Variants in SYF2 observed in about 807,000 individuals in gnomAD.
SYF2 encodes the protein SYF2 pre-mRNA splicing factor, also known as pre-mRNA-splicing factor SYF2.
SYF2 carries 21 observed loss-of-function variants against 32.7 expected under a neutral mutation model. The observed-to-expected ratio is 0.64, with a 90% CI of 0.45 to 0.92. The LOEUF is 0.92. Among genes scored for constraint, SYF2 ranks in the 40% least tolerant of loss-of-function variants. SYF2 has a pLI of 0.00. For synonymous variants in SYF2, 114 were observed against 103.9 expected, an observed-to-expected ratio of 1.10 and a Z score of -0.59; for missense variants, 278 against 296.5, an observed-to-expected ratio of 0.94 and a Z score of 0.46.
In SYF2 at chr1:25,227,447, TTC is replaced by T; in HGVS notation, c.460_461del (p.Glu154LysfsTer12). 6.2e-7 allele frequency: 1 copy of T among 1,613,388 alleles called. No individual in the cohort carries two copies. Among genetic ancestry groups the T allele is most frequent in the Non-Finnish European group, 8.5e-7 (1 of 1,179,720 alleles). On this transcript the variant is annotated frameshift_variant, in exon 5 of 7. Coordinates refer to ENST00000236273, the MANE Select transcript of SYF2 (RefSeq NM_015484.5). LOFTEE classifies it high-confidence loss of function. The part of the protein sequence containing the change: ...PDMETYERLR[E>X]KHGEEFFPTS... ...CAGGTTGAAAAAGGACTTACTGTTT[TTC>T]TCTCAGTCTCTCATATGTTTCCATG...
intron 3 of SYF2, 40 bp downstream of exon 3, chr1:25,228,958 G>T: frequency 1.3e-6 from 2 of 1,597,386 alleles, no homozygotes; most frequent in South Asian, 1.1e-5. Context: ...ACAACAGAAT[G>T]ATTGACTAAA....
intron 6 of SYF2, 24 bp downstream of exon 6, chr1:25,224,978 C>T: frequency 6.5e-7 from 1 of 1,534,572 alleles, no homozygotes; most frequent in African/African-American, 1.4e-5. Context: ...TTTACAACGT[C>T]AAGCTGCTCT....
At position 25,232,212 on chromosome 1, in the gene SYF2, C is replaced by T; in HGVS notation, c.25-1G>A. 1 of 1,613,028 alleles carries T rather than the reference C, an allele frequency of 6.2e-7. No homozygotes were observed. The highest frequency in any genetic ancestry group is 8.5e-7 in the Non-Finnish European group (1 of 1,179,818). Reference sequence around the variant, plus strand: ...CCTCCTCCGCGCTGTCCACCAGCACCTGCGACAAGGAGAACTGGCTTCAGG... The same window carrying T: ...CCTCCTCCGCGCTGTCCACCAGCACTTGCGACAAGGAGAACTGGCTTCAGG... On this transcript the variant is annotated splice_acceptor_variant, in intron 1 of 6. Transcript: ENST00000236273. LOFTEE classifies it high-confidence loss of function.
chr1:25,232,293 A>G, intron 1 of SYF2, 82 bp from the exon 2 acceptor site: 1 of 1,583,050 alleles, frequency 6.3e-7, no homozygotes. Flanking sequence ...GCCGGTCCCC[A>G]CAGGCTGGGC....
Position 25,222,998 on chromosome 1 carries a change from T to C in SYF2, c.*268A>G, listed in dbSNP as rs937217395. 3 of 242,712 alleles carry C rather than the reference T, an allele frequency of 1.2e-5. No individual in the cohort carries two copies. The highest frequency in any genetic ancestry group is 1.7e-4 in the East Asian group (2 of 11,834). 15.0% of individuals were successfully genotyped at this position (242,712 alleles called of 1,614,324 possible). ...AACAGCCATATACATTTAAAATACATAGAAAAATAATATAATTAGAATGTA... is the reference window on the plus strand; with the variant it reads ...AACAGCCATATACATTTAAAATACACAGAAAAATAATATAATTAGAATGTA... On this transcript the variant is annotated 3_prime_UTR_variant, in exon 7 of 7. Transcript: ENST00000236273.
intron 2 of SYF2, among the ~76,000 whole-genome samples, chr1:25,229,984 T>C (rs1638595425): frequency 3.3e-5 from 5 of 152,074 alleles, no homozygotes. Flanking sequence ...GCCTGGCTTA[T>C]TTTTTTGTAT....
Position 25,223,159 on chromosome 1 carries a change from T to C in SYF2, c.*107A>G. On this transcript the variant is annotated 3_prime_UTR_variant, in exon 7 of 7. Transcript: ENST00000236273. ...TTTCTAAATGCTGAGTGAGAAGGCATGGACTACTAAATTCTGGATTACTGA... is the reference window on the plus strand; with the variant it reads ...TTTCTAAATGCTGAGTGAGAAGGCACGGACTACTAAATTCTGGATTACTGA... The C allele has an allele frequency of 1.9e-6, 2 of 1,031,972 alleles. No individual in the cohort carries two copies. The highest frequency in any genetic ancestry group is 1.8e-5 in the South Asian group (1 of 56,862). 63.9% of individuals were successfully genotyped at this position (1,031,972 alleles called of 1,614,324 possible).
chr1:25,223,410 A>G lies in SYF2; in HGVS notation c.588T>C (p.Tyr196=), dbSNP rs1052591258. The G allele has an allele frequency of 3.7e-6, 6 of 1,607,290 alleles. No individual in the cohort carries two copies. The highest frequency in any genetic ancestry group is 1.3e-5 in the African/African-American group (1 of 74,622). Residue 196 remains tyrosine (Y), a synonymous_variant, in exon 7 of 7, where the codon TAT becomes TAC. Coordinates refer to ENST00000236273, the MANE Select transcript of SYF2 (RefSeq NM_015484.5). The part of the protein sequence containing the change: ...LEKQIEKRDK[Y]SRRRPYNDDA... The stretch of plus-strand genomic sequence containing the variant: ...CATCATTATAAGGACGTCTCCGGCT[A>G]TATTTGTCTCGTTTTTCAATCCTGG...
In SYF2 at chr1:25,224,457, C is replaced by A. The variant is rs1638467857; in HGVS notation, c.566+545G>T. ...ATTTTTTGTAGAGAAAGGGTTTTGC[C>A]ATGTTGCCCAGGCTGTTCTCAAAGT... On this transcript the variant is annotated intron_variant, in intron 6 of 6. Transcript: ENST00000236273. 2.0e-5 allele frequency among the ~76,000 whole-genome samples: 3 copies of A among 152,052 alleles called. 1 individual carries two copies. Among genetic ancestry groups the A allele is most frequent in the African/African-American group, 7.2e-5 (3 of 41,390 alleles).
chr1:25,232,148 G>C lies in SYF2; in HGVS notation c.88C>G (p.Arg30Gly), dbSNP rs776346136. The change falls in exon 2 of 7, where the codon CGC becomes GGC. Residue 30 changes from arginine to glycine, a missense_variant. Physicochemically the swap from Arg to Gly is moderately radical, Grantham distance 125. Coordinates refer to ENST00000236273, the MANE Select transcript of SYF2 (RefSeq NM_015484.5). ...CGGAATTTGCGCAGTCTCTGTTCGC[G>C]CTTCTGAGCGGCCAGCTCCGCCGCC... Reference protein sequence around the residue: ...AAAAELAAQKREQRLRKFREL... With the variant: ...AAAAELAAQKGEQRLRKFREL... The C allele has an allele frequency of 2.5e-6, 4 of 1,613,844 alleles. No homozygotes were observed. The highest frequency in any genetic ancestry group is 3.4e-6 in the Non-Finnish European group (4 of 1,180,008).
chr1:25,229,219 A>G, intron 2 of SYF2, 96 bp from the exon 3 acceptor site: 1 of 1,412,512 alleles, frequency 7.1e-7, no homozygotes, highest in Non-Finnish European at 9.6e-7. Flanking sequence ...GGACATATTA[A>G]TAAGCTGACC....
rs139754260 is a variant in SYF2 at position 25,232,094 on chromosome 1, G to A, written c.132+10C>T. ...ATGACGGATCTAAGCCGGCCTCCAA[G>A]ACTACTCACCCGCATCAGGTGCAGC... On this transcript the variant is annotated intron_variant, in intron 2 of 6. Transcript: ENST00000236273. The A allele has an allele frequency of 1.2e-6, 2 of 1,612,742 alleles. No homozygotes were observed. Among genetic ancestry groups the A allele is most frequent in the Non-Finnish European group, 1.7e-6 (2 of 1,179,556 alleles).
chr1:25,231,203 A>G (rs539275839), intron 2 of SYF2: 1 of 152,340 alleles, frequency 6.6e-6, no homozygotes, highest in East Asian at 1.9e-4. Flanking sequence ...GAAGAAAGAA[A>G]TATGTGGTCA....
rs576304427 is a variant in SYF2 at position 25,231,629 on chromosome 1, ATT to A, written c.132+473_132+474del. The A allele has an allele frequency of 2.1e-3, 350 of 165,550 alleles. 1 individual carries two copies. Among genetic ancestry groups the A allele is most frequent in the African/African-American group, 7.4e-3 (304 of 41,104 alleles). 10.3% of individuals were successfully genotyped at this position (165,550 alleles called of 1,614,324 possible). ...CTTTCAAAAGTTTGCCATTTTTTTT[ATT>A]TTCTTTTTATTCTTTTCCCCCAGAA... On this transcript the variant is annotated intron_variant, in intron 2 of 6. Transcript: ENST00000236273.
In SYF2 at chr1:25,229,181, C is replaced by T. The variant is rs10903036; in HGVS notation, c.133-58G>A. 0.031 allele frequency: 49,774 copies of T among 1,580,758 alleles called. 12,051 individuals carry two copies. In the African/African-American group the frequency reaches 0.56, roughly 18 times the overall value. ...AAACATGAAAATAAATCCAGATACACCTTGCCTTCTTTGAGGAGGGTCAGG... is the reference window on the plus strand; with the variant it reads ...AAACATGAAAATAAATCCAGATACATCTTGCCTTCTTTGAGGAGGGTCAGG... On this transcript the variant is annotated intron_variant, in intron 2 of 6. Transcript: ENST00000236273.
At chr1:25,225,814 C>T (rs541409197) in intron 5 of SYF2, among the ~76,000 whole-genome samples, 86 of 151,108 alleles carry the variant, frequency 5.7e-4, no homozygotes, top group African/African-American at 2.0e-3. Context: ...GCCGAGATCA[C>T]GCCACTGCAC....
chr1:25,231,628 T>A (rs563964163), intron 2 of SYF2: 9 of 167,770 alleles, frequency 5.4e-5, no homozygotes, highest in East Asian at 5.2e-4. Flanking sequence ...CCATTTTTTT[T>A]ATTTTCTTTT....
intron 3 of SYF2, 152 bp from the exon 4 acceptor site, chr1:25,228,387 T>C: frequency 1.5e-6 from 1 of 687,442 alleles, no homozygotes; most frequent in Non-Finnish European, 2.4e-6. Context: ...CAGGCTGGAG[T>C]GCAGTGGCGC....
At chr1:25,223,505 G>A (rs1638448246) in intron 6 of SYF2, 74 bp from the exon 7 acceptor site, 2 of 1,452,538 alleles carry the variant, frequency 1.4e-6, no homozygotes, top group South Asian at 1.3e-5. Context: ...AACCAAACAG[G>A]AATATAATCA....
Sources: allele counts gnomAD v4.1 joint callset (sites outside exome capture counted in the v4.1 genomes callset), GRCh38; gene constraint gnomAD v4.1.1; transcripts MANE v1.5; gene names NCBI Gene and HGNC (gene_info 2026-07-23, HGNC 2026-07-21).